Variants in MRTFA observed in about 807,000 individuals in gnomAD.
MRTFA encodes myocardin-related transcription factor A.
Under a neutral mutation model 83.5 loss-of-function variants are expected in MRTFA, and 20 were observed. The observed-to-expected ratio is 0.24, with a 90% CI of 0.17 to 0.35. MRTFA has a LOEUF of 0.35. Ranked by LOEUF, MRTFA falls within the 10% of genes least tolerant of loss-of-function variation. MRTFA has a pLI of 1.00. For missense variants in MRTFA, 1,200 were observed against 1,224.7 expected (o/e 0.98, Z 0.30); for synonymous variants, 659 against 541.2 (o/e 1.22, Z -3.02).
chr22:40,420,303 G>C, intron 11 of MRTFA, 102 bp downstream of exon 11: 1 of 1,359,646 alleles, frequency 7.4e-7, no homozygotes, highest in Non-Finnish European at 1.0e-6. Context: ...ATGACGGTGG[G>C]TCCTAGGCTG....
chr22:40,584,136 AAC>A (rs1455903601), intron 2 of MRTFA, among the ~76,000 whole-genome samples: 1 of 152,230 alleles, frequency 6.6e-6, no homozygotes, highest in African/African-American at 2.4e-5. Flanking sequence ...AGAACAGAAA[AAC>A]AGACTCTTGT....
intron 3 of MRTFA, among the ~76,000 whole-genome samples, chr22:40,476,879 A>G (rs1253415533): frequency 6.6e-6 from 1 of 152,162 alleles, no homozygotes; most frequent in Non-Finnish European, 1.5e-5. Flanking sequence ...AATATAAACA[A>G]AAGCATTGTA....
intron 3 of MRTFA, among the ~76,000 whole-genome samples, chr22:40,529,291 G>C (rs1394542452): frequency 6.6e-6 from 1 of 152,110 alleles, no homozygotes; most frequent in African/African-American, 2.4e-5. Flanking sequence ...TCAAGGAAAA[G>C]AGAGACTAAA....
At chr22:40,450,346 A>C (rs945961014) in intron 4 of MRTFA, among the ~76,000 whole-genome samples, 2 of 152,218 alleles carry the variant, frequency 1.3e-5, no homozygotes, top group Non-Finnish European at 2.9e-5. Context: ...CAGCAACCTG[A>C]AAGCACTTGT....
chr22:40,460,442 G>A (rs1316284703), intron 4 of MRTFA, among the ~76,000 whole-genome samples: 1 of 152,200 alleles, frequency 6.6e-6, no homozygotes, highest in African/African-American at 2.4e-5. Context: ...TGTAATTACA[G>A]TTAGTAGCCC....
chr22:40,501,965 G>T, intron 3 of MRTFA, among the ~76,000 whole-genome samples: 1 of 124,558 alleles, frequency 8.0e-6, no homozygotes, highest in African/African-American at 3.3e-5. Context: ...AGACGGGGCG[G>T]CTGGCCGGGC....
intron 5 of MRTFA, among the ~76,000 whole-genome samples, chr22:40,432,242 G>A (rs1159230547): frequency 6.6e-5 from 10 of 151,716 alleles, no homozygotes; most frequent in Non-Finnish European, 1.0e-4. Flanking sequence ...GCGAAACTCC[G>A]TCTCAAAAAA....
chr22:40,604,366 G>A (rs1212811419), intron 1 of MRTFA, among the ~76,000 whole-genome samples: 1 of 151,730 alleles, frequency 6.6e-6, no homozygotes, highest in African/African-American at 2.4e-5. Flanking sequence ...TCCTGACCTC[G>A]TAACCCGCCC....
intron 1 of MRTFA, among the ~76,000 whole-genome samples, chr22:40,607,186 C>G (rs970695515): frequency 6.6e-6 from 1 of 152,180 alleles, no homozygotes; most frequent in Admixed American, 6.5e-5. Context: ...AGTTTGCATA[C>G]CTGGTGTCAC....
intron 12 of MRTFA, 188 bp from the exon 13 acceptor site, chr22:40,417,681 T>G: frequency 3.5e-6 from 2 of 574,254 alleles, no homozygotes. Context: ...TGGGGGGCCC[T>G]CAACCCTGCA....
At chr22:40,518,887 T>C (rs777897333) in intron 3 of MRTFA, among the ~76,000 whole-genome samples, 2 of 151,470 alleles carry the variant, frequency 1.3e-5, no homozygotes, top group South Asian at 2.1e-4. Context: ...ATTTTAAATA[T>C]ATTTATTTTT....
In MRTFA at chr22:40,418,891, G is replaced by T; in HGVS notation, c.1847C>A (p.Ala616Glu). 2.5e-6 allele frequency: 4 copies of T among 1,612,456 alleles called. No homozygotes were observed. The highest frequency in any genetic ancestry group is 3.4e-6 in the Non-Finnish European group (4 of 1,179,812). Residue 616 changes from alanine (A) to glutamate (E), a missense_variant, in exon 12 of 15, where the codon GCG (alanine) becomes GAG (glutamate). Around this residue, in one of 2 missense-constraint regions of MRTFA, gnomAD observed 1,107 missense variants for 1,041.8 expected, o/e 1.06. Coordinates refer to ENST00000355630, the MANE Select transcript of MRTFA (RefSeq NM_020831.6). ...GTCCTTGTCGCGCCCCTCTAGCTCC[G>T]CCCGCCCCCCAGGGCTCAGGCAACA...
At chr22:40,534,701 CAAT>C (rs749606075) in intron 3 of MRTFA, among the ~76,000 whole-genome samples, 1 of 152,272 alleles carries the variant, frequency 6.6e-6, no homozygotes, top group Non-Finnish European at 1.5e-5. Context: ...ATATTCATAA[CAAT>C]GATATTAAGA....
chr22:40,502,161 ACC>A (rs1161874592), intron 3 of MRTFA, among the ~76,000 whole-genome samples: 12 of 81,608 alleles, frequency 1.5e-4, no homozygotes, highest in African/African-American at 5.6e-4. Context: ...CGGGGGGCTG[ACC>A]CCCCCCACCT....
intron 1 of MRTFA, among the ~76,000 whole-genome samples, chr22:40,631,274 A>C (rs1051584002): frequency 1.3e-5 from 2 of 152,160 alleles, no homozygotes; most frequent in Non-Finnish European, 1.5e-5. Context: ...TCTGACTCCA[A>C]ACTAATTCAC....
intron 1 of MRTFA, among the ~76,000 whole-genome samples, chr22:40,632,261 G>A (rs1040102886): frequency 9.2e-5 from 14 of 152,082 alleles, no homozygotes; most frequent in African/African-American, 3.1e-4. Context: ...GCCTTCAGAT[G>A]ACTGCTACCT....
At chr22:40,457,474 GAA>G (rs1428854549) in intron 4 of MRTFA, among the ~76,000 whole-genome samples, 1 of 145,652 alleles carries the variant, frequency 6.9e-6, no homozygotes, top group Non-Finnish European at 1.5e-5. Context: ...AAGAAAGAAA[GAA>G]AGAAAGAAAG....
intron 7 of MRTFA, among the ~76,000 whole-genome samples, chr22:40,428,356 G>C (rs1325467616): frequency 6.6e-6 from 1 of 152,146 alleles, no homozygotes; most frequent in African/African-American, 2.4e-5. Context: ...CTTGGTATGT[G>C]GGGTAATACC....
At chr22:40,482,519 T>G (rs757172019) in intron 3 of MRTFA, among the ~76,000 whole-genome samples, 2 of 152,180 alleles carry the variant, frequency 1.3e-5, no homozygotes, top group Non-Finnish European at 2.9e-5. Context: ...ATGTAAGATC[T>G]GGGCATAGCA....
Sources: gnomAD v4.1 joint callset for allele counts (sites outside exome capture counted in the v4.1 genomes callset) on GRCh38, gnomAD v4.1.1 for gene constraint, gnomAD v4.1.1 regional missense constraint, MANE v1.5 for transcripts, NCBI Gene and HGNC (gene_info 2026-07-23, HGNC 2026-07-21) for gene names.